Variants in SEMA3E observed in about 807,000 individuals in gnomAD.
SEMA3E encodes semaphorin 3E.
A neutral mutation model predicts 93.6 loss-of-function variants in SEMA3E; 49 were observed. The observed-to-expected ratio is 0.52, with a 90% CI of 0.42 to 0.66. The LOEUF is 0.66. Among genes scored for constraint, SEMA3E ranks in the 30% least tolerant of loss-of-function variants. The pLI is 0.00. For missense variants in SEMA3E, 906 were observed against 964.8 expected (o/e 0.94, Z 0.81); for synonymous variants, 363 against 330.7 (o/e 1.10, Z -1.06).
At chr7:83,527,935 G>T (rs944631654) in intron 1 of SEMA3E, among the ~76,000 whole-genome samples, 22 of 151,862 alleles carry the variant, frequency 1.4e-4, no homozygotes, top group Non-Finnish European at 2.9e-4. Flanking sequence ...AGAAAACCAA[G>T]AAAAAGAATA....
chr7:83,536,755 A>G (rs1361230783), intron 1 of SEMA3E, among the ~76,000 whole-genome samples: 1 of 152,174 alleles, frequency 6.6e-6, no homozygotes, highest in Non-Finnish European at 1.5e-5. Context: ...CAGTGACCTC[A>G]TTGGCATCTT....
intron 1 of SEMA3E, among the ~76,000 whole-genome samples, chr7:83,559,765 C>T (rs919498991): frequency 1.3e-5 from 2 of 152,038 alleles, no homozygotes; most frequent in African/African-American, 4.8e-5. Context: ...CAAAACCCTG[C>T]ACACTGATGT....
At chr7:83,454,421 A>C (rs1789441157) in intron 4 of SEMA3E, among the ~76,000 whole-genome samples, 1 of 149,742 alleles carries the variant, frequency 6.7e-6, no homozygotes, top group Non-Finnish European at 1.5e-5. Flanking sequence ...GATATTAAAG[A>C]AAGTGGTTTG....
At chr7:83,381,823 A>G (rs1787784305) in intron 16 of SEMA3E, among the ~76,000 whole-genome samples, 1 of 152,102 alleles carries the variant, frequency 6.6e-6, no homozygotes, top group East Asian at 1.9e-4. Flanking sequence ...GGCATATAGT[A>G]GAAGCTTGAA....
At chr7:83,473,168 G>C (rs905921447) in intron 2 of SEMA3E, among the ~76,000 whole-genome samples, 1 of 152,172 alleles carries the variant, frequency 6.6e-6, no homozygotes, top group Admixed American at 6.5e-5. Flanking sequence ...TTTGATGAAG[G>C]AGTGAAAATA....
At chr7:83,422,041 G>A (rs1002158201) in intron 4 of SEMA3E, among the ~76,000 whole-genome samples, 3 of 152,196 alleles carry the variant, frequency 2.0e-5, no homozygotes, top group Non-Finnish European at 4.4e-5. Flanking sequence ...GCCAGGCATT[G>A]TGGCGCATGC....
chr7:83,407,299 G>T, intron 6 of SEMA3E, 60 bp from the exon 7 acceptor site: 13 of 1,344,568 alleles, frequency 9.7e-6, no homozygotes, highest in Non-Finnish European at 1.3e-5. Flanking sequence ...ATGCTAACAA[G>T]TTATTCCAAT....
intron 1 of SEMA3E, among the ~76,000 whole-genome samples, chr7:83,602,770 C>T (rs143915260): frequency 1.6e-4 from 25 of 152,266 alleles, no homozygotes; most frequent in African/African-American, 6.0e-4. Flanking sequence ...GCCCCCGCGC[C>T]CAGCCTAGAA....
chr7:83,620,282 A>G (rs1793523102), intron 1 of SEMA3E, among the ~76,000 whole-genome samples: 1 of 152,028 alleles, frequency 6.6e-6, no homozygotes, highest in Non-Finnish European at 1.5e-5. Context: ...ACTAATCAAA[A>G]GTCAGAACTG....
At chr7:83,419,986 TA>T (rs1788640650) in intron 4 of SEMA3E, among the ~76,000 whole-genome samples, 1 of 152,070 alleles carries the variant, frequency 6.6e-6, no homozygotes, top group Non-Finnish European at 1.5e-5. Flanking sequence ...GGCATCAAAA[TA>T]GAAAAAGAAG....
chr7:83,477,280 A>G (rs937143147), intron 2 of SEMA3E, among the ~76,000 whole-genome samples: 1 of 152,014 alleles, frequency 6.6e-6, no homozygotes, highest in Non-Finnish European at 1.5e-5. Flanking sequence ...TTCTCTTCCT[A>G]TTTCTATTAT....
In SEMA3E at chr7:83,560,655, G is replaced by A. The variant is rs896415436; in HGVS notation, c.116-70381C>T. Among the ~76,000 whole-genome samples, 4 of 151,798 alleles carry A rather than the reference G, an allele frequency of 2.6e-5. No homozygotes were observed. The South Asian group carries it at 8.3e-4, about 32-fold the overall frequency. The stretch of plus-strand genomic sequence containing the variant: ...TATCATCTTACTAGCTTTCTCTTTA[G>A]TAAGCTAAATAAATTTTGATAAATG... On this transcript the variant is annotated intron_variant, in intron 1 of 16. Transcript: ENST00000643230.
chr7:83,411,097 T>G, intron 5 of SEMA3E, among the ~76,000 whole-genome samples: 1 of 152,120 alleles, frequency 6.6e-6, no homozygotes, highest in Non-Finnish European at 1.5e-5. Flanking sequence ...TTAATGGATT[T>G]ATCCTAATTT....
chr7:83,643,816 AAG>A (rs1298888164), intron 1 of SEMA3E, among the ~76,000 whole-genome samples: 4 of 151,976 alleles, frequency 2.6e-5, no homozygotes, highest in African/African-American at 7.2e-5. Context: ...TCTCTCCCTG[AAG>A]CTCTGGGCAC....
chr7:83,481,963 C>A (rs961527975), intron 2 of SEMA3E, among the ~76,000 whole-genome samples: 4 of 152,120 alleles, frequency 2.6e-5, no homozygotes, highest in African/African-American at 4.8e-5. Context: ...ATTTCACAAC[C>A]CTCATGCACA....
chr7:83,409,109 A>G (rs537752513), intron 5 of SEMA3E, among the ~76,000 whole-genome samples: 1 of 152,300 alleles, frequency 6.6e-6, no homozygotes, highest in South Asian at 2.1e-4. Flanking sequence ...AGTCAACAAA[A>G]TGATTGAAGG....
intron 1 of SEMA3E, among the ~76,000 whole-genome samples, chr7:83,627,276 T>C (rs1793688417): frequency 6.6e-6 from 1 of 152,150 alleles, no homozygotes; most frequent in Non-Finnish European, 1.5e-5. Context: ...TTCTGTCTCA[T>C]TGATCTGTCT....
intron 1 of SEMA3E, among the ~76,000 whole-genome samples, chr7:83,512,718 T>G (rs960677657): frequency 3.9e-5 from 6 of 152,316 alleles, no homozygotes; most frequent in Admixed American, 1.3e-4. Flanking sequence ...ACAACATAGC[T>G]ATTATATTTC....
intron 2 of SEMA3E, among the ~76,000 whole-genome samples, chr7:83,486,099 T>C (rs1281707829): frequency 2.0e-5 from 3 of 152,054 alleles, no homozygotes; most frequent in Admixed American, 1.3e-4. Flanking sequence ...CCCAGGCTGA[T>C]CTTAAACTCC....
Sources: gnomAD v4.1 joint callset for allele counts (sites outside exome capture counted in the v4.1 genomes callset) on GRCh38, gnomAD v4.1.1 for gene constraint, MANE v1.5 for transcripts, NCBI Gene and HGNC (gene_info 2026-07-23, HGNC 2026-07-21) for gene names.